The following DOCK1 variants were observed in gnomAD, a reference collection of about 807,000 sequenced individuals.
The protein encoded by DOCK1 is dedicator of cytokinesis 1.
Under a neutral mutation model 262.7 loss-of-function variants are expected in DOCK1, and 138 were observed. The ratio of observed to expected loss-of-function variants is 0.53; its 90% confidence interval spans 0.46 to 0.61. DOCK1 has a LOEUF of 0.61. DOCK1 is among the 20% of genes least tolerant of loss of function. The pLI is 0.00. For synonymous variants in DOCK1, 866 were observed against 867.4 expected, an observed-to-expected ratio of 1.00 and a Z score of 0.03; for missense variants, 1,908 against 2,370.7, an observed-to-expected ratio of 0.80 and a Z score of 4.05.
intron 32 of DOCK1, among the ~76,000 whole-genome samples, chr10:127,355,979 G>A (rs895520691): frequency 6.6e-6 from 1 of 152,250 alleles, no homozygotes; most frequent in Admixed American, 6.5e-5. Flanking sequence ...GAGTGGCCCT[G>A]TCTGCCTGTG....
At chr10:127,005,085 C>T (rs2040912708) in intron 10 of DOCK1, among the ~76,000 whole-genome samples, 1 of 151,884 alleles carries the variant, frequency 6.6e-6, no homozygotes, top group African/African-American at 2.4e-5. Context: ...ACCTGTAATC[C>T]CAGCACTTTG....
intron 27 of DOCK1, among the ~76,000 whole-genome samples, chr10:127,195,450 G>A (rs1254709251): frequency 6.6e-6 from 1 of 152,060 alleles, no homozygotes; most frequent in African/African-American, 2.4e-5. Flanking sequence ...AGCATTTCAC[G>A]TGGGCATCTG....
chr10:127,242,977 T>C (rs79683516), intron 27 of DOCK1, among the ~76,000 whole-genome samples: 4,955 of 152,198 alleles, frequency 0.033, 235 homozygotes, highest in African/African-American at 0.11. Flanking sequence ...TGCCCAGAGA[T>C]CCTTTGGAAT....
intron 23 of DOCK1, among the ~76,000 whole-genome samples, chr10:127,074,327 T>C (rs1433154555): frequency 6.6e-6 from 1 of 152,220 alleles, no homozygotes; most frequent in Non-Finnish European, 1.5e-5. Flanking sequence ...AGAGGGGTCC[T>C]AGGTGGGATG....
chr10:127,127,497 A>C (rs1153016), intron 26 of DOCK1, among the ~76,000 whole-genome samples, 172 bp from the exon 27 acceptor site: 1 of 152,102 alleles, frequency 6.6e-6, no homozygotes, highest in Non-Finnish European at 1.5e-5. Context: ...ATTAATAAAA[A>C]CCCCTGAGTT....
intron 2 of DOCK1, among the ~76,000 whole-genome samples, chr10:126,977,727 C>T (rs2038653560): frequency 2.0e-5 from 3 of 152,094 alleles, no homozygotes; most frequent in African/African-American, 7.2e-5. Flanking sequence ...GGTATGGAGG[C>T]CCATGTGTGA....
At chr10:127,253,550 A>G (rs1023482542) in intron 28 of DOCK1, among the ~76,000 whole-genome samples, 4 of 152,096 alleles carry the variant, frequency 2.6e-5, no homozygotes, top group African/African-American at 9.7e-5. Context: ...GGATCACAAA[A>G]AATTTTACAA....
chr10:127,362,298 A>G, intron 33 of DOCK1, 86 bp downstream of exon 33: 3 of 1,440,892 alleles, frequency 2.1e-6, no homozygotes, highest in Non-Finnish European at 2.8e-6. Context: ...AGACAGTTCT[A>G]GAGTTAAAGG....
At chr10:127,183,341 C>T (rs1360047210) in intron 27 of DOCK1, among the ~76,000 whole-genome samples, 1 of 152,080 alleles carries the variant, frequency 6.6e-6, no homozygotes, top group Non-Finnish European at 1.5e-5. Context: ...TGGGAATGCC[C>T]ATCAACTCGA....
chr10:127,202,592 G>T (rs1021454630), intron 27 of DOCK1, among the ~76,000 whole-genome samples: 3 of 152,186 alleles, frequency 2.0e-5, no homozygotes, highest in African/African-American at 2.4e-5. Flanking sequence ...AAAGGGGAAG[G>T]CAAGGAACAT....
chr10:127,024,269 C>T (rs574802712), intron 14 of DOCK1, among the ~76,000 whole-genome samples: 1 of 152,292 alleles, frequency 6.6e-6, no homozygotes, highest in East Asian at 1.9e-4. Context: ...GCTGCCCTTG[C>T]CACTGGTCTT....
chr10:127,133,385 A>T (rs1564826736), intron 27 of DOCK1, among the ~76,000 whole-genome samples: 1 of 152,232 alleles, frequency 6.6e-6, no homozygotes, highest in Non-Finnish European at 1.5e-5. Flanking sequence ...CTGCAAAAAA[A>T]TGTTGTGTTT....
intron 1 of DOCK1, among the ~76,000 whole-genome samples, chr10:126,916,147 C>T (rs1378576931): frequency 6.6e-6 from 1 of 152,178 alleles, no homozygotes; most frequent in Non-Finnish European, 1.5e-5. Flanking sequence ...CCTCCCTGAG[C>T]CCCAGGCCCC....
chr10:126,950,201 A>G (rs1257479206), intron 1 of DOCK1, among the ~76,000 whole-genome samples: 1 of 152,126 alleles, frequency 6.6e-6, no homozygotes, highest in Non-Finnish European at 1.5e-5. Context: ...CTCTCATTAC[A>G]GCTTTTCCTA....
At chr10:127,149,147 C>T (rs1035048758) in intron 27 of DOCK1, among the ~76,000 whole-genome samples, 8 of 152,184 alleles carry the variant, frequency 5.3e-5, no homozygotes, top group Non-Finnish European at 5.9e-5. Flanking sequence ...CCCATAGTTA[C>T]ATCCCTTGCA....
At chr10:127,406,651 A>T (rs1030060169) in intron 40 of DOCK1, among the ~76,000 whole-genome samples, 4 of 152,144 alleles carry the variant, frequency 2.6e-5, no homozygotes, top group Non-Finnish European at 5.9e-5. Flanking sequence ...AATTGGTCTC[A>T]CTGTTTTTTG....
intron 29 of DOCK1, among the ~76,000 whole-genome samples, chr10:127,330,540 T>C (rs967019715): frequency 6.6e-6 from 1 of 152,180 alleles, no homozygotes; most frequent in African/African-American, 2.4e-5. Flanking sequence ...CTCTAAAACT[T>C]TAAAATAGAA....
chr10:127,184,465 C>A (rs1343996263), intron 27 of DOCK1, among the ~76,000 whole-genome samples: 1 of 152,036 alleles, frequency 6.6e-6, no homozygotes, highest in East Asian at 1.9e-4. Context: ...GCCCTCAGCT[C>A]TCCATTCCCC....
intron 28 of DOCK1, among the ~76,000 whole-genome samples, chr10:127,249,019 C>T (rs1279047519): frequency 6.6e-6 from 1 of 152,116 alleles, no homozygotes; most frequent in Non-Finnish European, 1.5e-5. Context: ...GCCCCACCAC[C>T]CCCTGGTCCA....
Sources: gnomAD v4.1 joint callset for allele counts (sites outside exome capture counted in the v4.1 genomes callset) on GRCh38, gnomAD v4.1.1 for gene constraint, MANE v1.5 for transcripts, NCBI Gene and HGNC (gene_info 2026-07-23, HGNC 2026-07-21) for gene names.